MTX2: variants seen among roughly 807,000 people sequenced by gnomAD.
MTX2 encodes metaxin-2.
Under a neutral mutation model 42.3 loss-of-function variants are expected in MTX2, and 35 were observed. The observed-to-expected ratio is 0.83, with a 90% CI of 0.63 to 1.10. MTX2 has a LOEUF of 1.10. MTX2 is among the 50% of genes least tolerant of loss of function. The pLI is 0.00. For missense variants in MTX2, 307 were observed against 304.1 expected, an observed-to-expected ratio of 1.01 and a Z score of -0.07; for synonymous variants, 119 against 100.9, an observed-to-expected ratio of 1.18 and a Z score of -1.08.
chr2:176,305,785 G>A (rs535641921), intron 3 of MTX2, among the ~76,000 whole-genome samples: 147 of 152,144 alleles, frequency 9.7e-4, no homozygotes, highest in Middle Eastern at 3.4e-3. Context: ...ATTAAGGAAG[G>A]TCAGTCTATG....
intron 1 of MTX2, among the ~76,000 whole-genome samples, chr2:176,277,433 G>T (rs972038234): frequency 6.6e-6 from 1 of 152,110 alleles, no homozygotes; most frequent in Non-Finnish European, 1.5e-5. Context: ...ATGGAGTTGC[G>T]CTCTTGTTGC....
intron 1 of MTX2, among the ~76,000 whole-genome samples, chr2:176,291,935 G>A (rs1693338585): frequency 6.6e-6 from 1 of 152,178 alleles, no homozygotes; most frequent in East Asian, 1.9e-4. Flanking sequence ...GAGGTAGGCT[G>A]ATAGAGAGGG....
intron 3 of MTX2, among the ~76,000 whole-genome samples, chr2:176,311,214 G>C (rs1169820552): frequency 1.3e-5 from 2 of 152,098 alleles, no homozygotes; most frequent in African/African-American, 4.8e-5. Context: ...TGTTTGCCTG[G>C]GTATCACCAG....
At chr2:176,295,806 A>C (rs1192179101) in intron 1 of MTX2, among the ~76,000 whole-genome samples, 1 of 152,164 alleles carries the variant, frequency 6.6e-6, no homozygotes, top group Non-Finnish European at 1.5e-5. Context: ...CACATGTATA[A>C]ATTTCTTTTA....
At chr2:176,286,482 G>A (rs1013200511) in intron 1 of MTX2, among the ~76,000 whole-genome samples, 1 of 151,144 alleles carries the variant, frequency 6.6e-6, no homozygotes, top group Non-Finnish European at 1.5e-5. Flanking sequence ...TAGAATGGCA[G>A]GGTATTAAGA....
At chr2:176,270,818 T>C (rs1332363225) in intron 1 of MTX2, among the ~76,000 whole-genome samples, 1 of 152,200 alleles carries the variant, frequency 6.6e-6, no homozygotes, top group Non-Finnish European at 1.5e-5. Context: ...CCCCATTGTA[T>C]CCATAGTCAG....
intron 1 of MTX2, among the ~76,000 whole-genome samples, chr2:176,290,162 A>G (rs1236951079): frequency 6.6e-6 from 1 of 152,114 alleles, no homozygotes; most frequent in Non-Finnish European, 1.5e-5. Context: ...TATGGCAGTG[A>G]AGGAGTATTC....
At chr2:176,277,228 A>G (rs1215080960) in intron 1 of MTX2, among the ~76,000 whole-genome samples, 1 of 152,212 alleles carries the variant, frequency 6.6e-6, no homozygotes, top group African/African-American at 2.4e-5. Context: ...AGCATTCAGA[A>G]GAGTTCCAGA....
intron 3 of MTX2, among the ~76,000 whole-genome samples, chr2:176,303,709 C>A (rs1048748034): frequency 1.3e-5 from 2 of 151,866 alleles, no homozygotes; most frequent in East Asian, 3.9e-4. Context: ...GGTGTATATA[C>A]AACATTAAAA....
At chr2:176,302,410 A>C (rs1202294541) in intron 3 of MTX2, among the ~76,000 whole-genome samples, 1 of 152,106 alleles carries the variant, frequency 6.6e-6, no homozygotes, top group East Asian at 1.9e-4. Context: ...TGTTGAATGT[A>C]GTATATAATT....
At chr2:176,273,308 G>A (rs899075931) in intron 1 of MTX2, among the ~76,000 whole-genome samples, 2 of 152,150 alleles carry the variant, frequency 1.3e-5, no homozygotes, top group Non-Finnish European at 2.9e-5. Flanking sequence ...ATAATTTATC[G>A]GAAACCCTGT....
chr2:176,308,214 T>A (rs1357954687), intron 3 of MTX2, among the ~76,000 whole-genome samples: 1 of 152,208 alleles, frequency 6.6e-6, no homozygotes, highest in African/African-American at 2.4e-5. Context: ...TTGATTTGCG[T>A]ATGTTGAACC....
At chr2:176,308,212 C>T (rs920617882) in intron 3 of MTX2, among the ~76,000 whole-genome samples, 7 of 151,906 alleles carry the variant, frequency 4.6e-5, no homozygotes, top group South Asian at 2.1e-4. Context: ...TATTGATTTG[C>T]GTATGTTGAA....
intron 1 of MTX2, among the ~76,000 whole-genome samples, chr2:176,272,379 T>A (rs983867987): frequency 9.9e-5 from 15 of 152,198 alleles, no homozygotes; most frequent in Non-Finnish European, 2.2e-4. Flanking sequence ...TAATAATGTA[T>A]TATATATTTC....
At chr2:176,310,479 TATCCTGAAG>T (rs1684276651) in intron 3 of MTX2, among the ~76,000 whole-genome samples, 1 of 152,252 alleles carries the variant, frequency 6.6e-6, no homozygotes, top group African/African-American at 2.4e-5. Context: ...TAGTGGATAA[TATCCTGAAG>T]AGTGTTTTCC....
intron 1 of MTX2, among the ~76,000 whole-genome samples, chr2:176,276,589 A>C (rs1452545713): frequency 6.6e-6 from 1 of 152,054 alleles, no homozygotes; most frequent in Non-Finnish European, 1.5e-5. Flanking sequence ...ATATATTTAT[A>C]ATGTATGTCA....
intron 1 of MTX2, among the ~76,000 whole-genome samples, chr2:176,284,767 A>G (rs1382074083): frequency 6.6e-6 from 1 of 152,152 alleles, no homozygotes; most frequent in Non-Finnish European, 1.5e-5. Flanking sequence ...CCTTACTACC[A>G]TTTTCTCTGA....
At chr2:176,316,172 G>A (rs750916421) in intron 3 of MTX2, among the ~76,000 whole-genome samples, 46 of 152,178 alleles carry the variant, frequency 3.0e-4, no homozygotes, top group Non-Finnish European at 6.2e-4. Flanking sequence ...AAGTTTCATA[G>A]TGGACCAAAT....
intron 1 of MTX2, chr2:176,270,354 T>A (rs1692778793): frequency 1.5e-6 from 2 of 1,360,192 alleles, no homozygotes; most frequent in East Asian, 4.6e-5. Flanking sequence ...GGAAAATTTT[T>A]AAATCTGCAT....
Sources: allele counts gnomAD v4.1 joint callset (sites outside exome capture counted in the v4.1 genomes callset), GRCh38; gene constraint gnomAD v4.1.1; transcripts MANE v1.5; gene names NCBI Gene and HGNC (gene_info 2026-07-23, HGNC 2026-07-21).